Variants in IKZF4 observed in about 807,000 individuals in gnomAD.
IKZF4 encodes the protein zinc finger protein Eos.
A neutral mutation model predicts 47.7 loss-of-function variants in IKZF4; 11 were observed. The ratio of observed to expected loss-of-function variants is 0.23; its 90% CI spans 0.15 to 0.38. The LOEUF (loss-of-function observed/expected upper bound fraction) is 0.38, where lower values mean the gene tolerates loss of function less well. IKZF4 is among the 10% of genes least tolerant of loss of function. The probability of loss-of-function intolerance (pLI) is 1.00; values close to 1 mark genes in which losing one functional copy is unlikely to be tolerated. For synonymous variants in IKZF4, 298 were observed against 299.4 expected, an observed-to-expected ratio of 1.00 and a Z score of 0.05; for missense variants, 557 against 784.9, an observed-to-expected ratio of 0.71 and a Z score of 3.47.
chr12:56,023,946 A>G (rs1481968593), intron 2 of IKZF4, 182 bp downstream of exon 2: 1 of 984,272 alleles, frequency 1.0e-6, no homozygotes, highest in East Asian at 1.1e-4. Flanking sequence ...GAAGGCTACC[A>G]GTATGTTTAT....
chr12:56,026,516 C>G (rs1418055220), intron 3 of IKZF4, among the ~76,000 whole-genome samples: 1 of 151,662 alleles, frequency 6.6e-6, no homozygotes, highest in African/African-American at 2.4e-5. Context: ...ATGGAGAAAC[C>G]CTGTCTGTTC....
Position 56,035,068 on chromosome 12 carries a change from C to G in IKZF4, c.1495C>G (p.Pro499Ala). 6.3e-7 allele frequency: 1 copy of G among 1,588,416 alleles called. No homozygotes were observed. Among genetic ancestry groups the G allele is most frequent in the Non-Finnish European group, 8.6e-7 (1 of 1,166,914 alleles). Residue 499 changes from proline to alanine, a missense_variant, in exon 8 of 8, where the codon CCC (proline) becomes GCC (alanine). Physicochemically the swap from Pro to Ala is conservative, Grantham distance 27 (BLOSUM62 -1). This residue lies in a region of IKZF4 where 280 missense variants were observed against 314.0 expected (regional missense o/e 0.89). Coordinates refer to ENST00000547167, the MANE Select transcript of IKZF4 (RefSeq NM_022465.4). The surrounding 1 kb of genome is among the most constrained non-coding windows in gnomAD (Gnocchi z 6.1). ...RHSPAYAKED[P>A]KPQEGLLRGT... is the part of the protein sequence containing the mutation. ...CAGTCCTGCCTACGCCAAAGAGGAC[C>G]CCAAGCCACAGGAGGGGTTATTGCG...
rs1895570962 is a variant in IKZF4 at position 56,035,573 on chromosome 12, CTGAGT to C, written c.*244_*248del. On this transcript the variant is annotated 3_prime_UTR_variant, in exon 8 of 8. Coordinates refer to ENST00000547167, the MANE Select transcript of IKZF4 (RefSeq NM_022465.4). This position sits in a 1 kb window ranked among gnomAD's most constrained non-coding sequence, Gnocchi z 6.1. ...TTTTATCTTCTCTCATCCCAGCATA[CTGAGT>C]TATTTATTAATTAGTTGATTTATTT... 2 of 421,662 alleles carry C rather than the reference CTGAGT, an allele frequency of 4.7e-6. No homozygotes were observed. The highest frequency in any genetic ancestry group is 4.0e-5 in the African/African-American group (2 of 49,668). The allele number at this position is 421,662 out of a possible 1,614,324, so 26.1% of individuals were successfully genotyped here.
chr12:56,037,952 T>G lies in IKZF4; in HGVS notation c.*2621T>G, dbSNP rs1235165213. ...AAATCAATACCACCAACAAAATATT[T>G]CTAAGTAGACACTTTTCCAGACCTT... On this transcript the variant is annotated 3_prime_UTR_variant, in exon 8 of 8. Transcript: ENST00000547167. 6.6e-6 allele frequency: 1 copy of G among 151,896 alleles called. No individual in the cohort carries two copies. The highest frequency in any genetic ancestry group is 1.5e-5 in the Non-Finnish European group (1 of 67,980). The allele number at this position is 151,896 out of a possible 1,614,324, so 9.4% of individuals were successfully genotyped here.
chr12:56,013,376 A>G (rs1475453211), intron 2 of IKZF4, among the ~76,000 whole-genome samples: 1 of 151,968 alleles, frequency 6.6e-6, no homozygotes, highest in African/African-American at 2.4e-5. Flanking sequence ...TTGTATTTTT[A>G]GTAGAGATGG....
chr12:56,013,263 T>G (rs1239831037), intron 2 of IKZF4, among the ~76,000 whole-genome samples: 1 of 152,108 alleles, frequency 6.6e-6, no homozygotes, highest in Non-Finnish European at 1.5e-5. Context: ...TGGCGTGATC[T>G]CGGCTCACTC....
Position 56,034,850 on chromosome 12 carries a change from A to C in IKZF4, c.1277A>C (p.Glu426Ala). The change falls in exon 8 of 8, where the codon GAG becomes GCG. Residue 426 changes from glutamate (E) to alanine (A), a missense_variant. By Grantham distance (107) the Glu-to-Ala change is moderately radical (BLOSUM62 -1). This residue lies in a region of IKZF4 where 280 missense variants were observed against 314.0 expected (regional missense o/e 0.89). Coordinates refer to ENST00000547167, the MANE Select transcript of IKZF4 (RefSeq NM_022465.4). ...PGSREAGEGP[E>A]DLADGGPLLY... ...TCCCGAGAAGCAGGTGAGGGACCTGAGGACCTGGCTGATGGAGGTCCCCTC... is the reference window on the plus strand; with the variant it reads ...TCCCGAGAAGCAGGTGAGGGACCTGCGGACCTGGCTGATGGAGGTCCCCTC... 1 of 1,613,352 alleles carries C rather than the reference A, an allele frequency of 6.2e-7. No individual in the cohort carries two copies. The highest frequency in any genetic ancestry group is 8.5e-7 in the Non-Finnish European group (1 of 1,179,586).
rs1895682947 is a variant in IKZF4 at position 56,037,003 on chromosome 12, C to G, written c.*1672C>G. 6.6e-6 allele frequency: 1 copy of G among 152,170 alleles called. No individual in the cohort carries two copies. The highest frequency in any genetic ancestry group is 2.1e-4 in the South Asian group (1 of 4,830). The allele number at this position is 152,170 out of a possible 1,614,324, so 9.4% of individuals were successfully genotyped here. A position where few individuals can be genotyped will look rare whatever the true frequency, so the allele number is the denominator to read the frequency against. ...TCTCTTCCCTTCCTTCCCCTTCCAT[C>G]TTTCTTTCCACATGTCCTTTCCTTA... On this transcript the variant is annotated 3_prime_UTR_variant, in exon 8 of 8. Transcript: ENST00000547167.
upstream of IKZF4, among the ~76,000 whole-genome samples, chr12:56,017,380 C>T (rs185723578): frequency 6.6e-6 from 1 of 152,034 alleles, no homozygotes; most frequent in East Asian, 1.9e-4. Flanking sequence ...TCTCCTCCAT[C>T]TTCTCCTTTT....
chr12:56,034,174 T>G (rs1020532767), intron 7 of IKZF4, among the ~76,000 whole-genome samples: 3 of 152,172 alleles, frequency 2.0e-5, no homozygotes, highest in Non-Finnish European at 4.4e-5. Context: ...GTGCTGGGAT[T>G]ACAGGCGTGA....
intron 2 of IKZF4, among the ~76,000 whole-genome samples, chr12:56,013,581 C>T (rs1891606920): frequency 6.6e-6 from 1 of 152,144 alleles, no homozygotes; most frequent in African/African-American, 2.4e-5. Flanking sequence ...TCTCCTTATA[C>T]CTCCTCCTCC....
chr12:56,017,903 G>A (rs1031885292), upstream of IKZF4, among the ~76,000 whole-genome samples: 12 of 152,050 alleles, frequency 7.9e-5, no homozygotes, highest in African/African-American at 2.9e-4. Flanking sequence ...GCCCAGGCTG[G>A]TCTCAAACTC....
Position 56,035,148 on chromosome 12 carries a change from G to C in IKZF4, c.1575G>C (p.Glu525Asp). 6.2e-7 allele frequency: 1 copy of C among 1,614,122 alleles called. No homozygotes were observed. Among genetic ancestry groups the C allele is most frequent in the Middle Eastern group, 1.6e-4 (1 of 6,062 alleles). ...EVLRVVGESG[E>D]PVKAFKCEHC... Reference sequence around the variant, plus strand: ...TTCGGGTGGTGGGCGAGAGTGGTGAGCCTGTGAAGGCCTTCAAGTGTGAGC... The same window carrying C: ...TTCGGGTGGTGGGCGAGAGTGGTGACCCTGTGAAGGCCTTCAAGTGTGAGC... Residue 525 changes from glutamate (E) to aspartate (D), a missense_variant, in exon 8 of 8, where the codon GAG becomes GAC. Coordinates refer to ENST00000547167, the MANE Select transcript of IKZF4 (RefSeq NM_022465.4). This position sits in a 1 kb window ranked among gnomAD's most constrained non-coding sequence, Gnocchi z 6.1.
upstream of IKZF4, chr12:56,020,912 T>C: frequency 5.0e-6 from 5 of 992,822 alleles, no homozygotes; most frequent in Non-Finnish European, 6.0e-6. Context: ...CTTGAAGCTG[T>C]CCGTGTCCTG....
chr12:56,017,090 C>A (rs1332963908), upstream of IKZF4, among the ~76,000 whole-genome samples: 4 of 151,862 alleles, frequency 2.6e-5, no homozygotes, highest in Non-Finnish European at 5.9e-5. Flanking sequence ...CTCCCACAGG[C>A]TCCTAAAGAG....
rs769545404 is a variant in IKZF4 at position 56,026,860 on chromosome 12, GGAC to G, written c.370_372del (p.Asp124del). 1 of 1,613,278 alleles carries G rather than the reference GGAC, an allele frequency of 6.2e-7. No individual in the cohort carries two copies. Among genetic ancestry groups the G allele is most frequent in the Non-Finnish European group, 8.5e-7 (1 of 1,179,634 alleles). On this transcript the variant is annotated inframe_deletion, in exon 4 of 8. Coordinates refer to ENST00000547167, the MANE Select transcript of IKZF4 (RefSeq NM_022465.4). ...GGCCAGATGAGCGGCTCCTGGAAAA[GGAC>G]GACAGCGTGATTGTGGAAGATTCAT...
intron 1 of IKZF4, among the ~76,000 whole-genome samples, 153 bp from the exon 2 acceptor site, chr12:56,023,518 C>G (rs1022279078): frequency 6.6e-6 from 1 of 152,222 alleles, no homozygotes; most frequent in Non-Finnish European, 1.5e-5. Flanking sequence ...TGGGAAAACT[C>G]AGATTCAAGC....
At chr12:56,017,468 C>T (rs549135219), upstream of IKZF4, among the ~76,000 whole-genome samples, 1 of 152,100 alleles carries the variant, frequency 6.6e-6, no homozygotes, top group East Asian at 1.9e-4. Context: ...AATACTACCC[C>T]CATCTTTAAC....
chr12:56,031,938 G>A (rs145180695), intron 5 of IKZF4, among the ~76,000 whole-genome samples: 5 of 151,832 alleles, frequency 3.3e-5, no homozygotes, highest in African/African-American at 7.3e-5. Flanking sequence ...ACCTCTCTTG[G>A]TATCTCAGCG....
Sources: allele counts gnomAD v4.1 joint callset (sites outside exome capture counted in the v4.1 genomes callset), GRCh38; gene constraint gnomAD v4.1.1; regional missense constraint gnomAD v4.1.1; non-coding constraint Gnocchi (gnomAD v3.1); transcripts MANE v1.5; gene names NCBI Gene and HGNC (gene_info 2026-07-23, HGNC 2026-07-21).